Variants in TENM3 observed in about 807,000 individuals in gnomAD.
The protein encoded by TENM3 is teneurin transmembrane protein 3.
TENM3 carries 63 observed loss-of-function variants against 255.1 expected under a neutral mutation model. That is an observed-to-expected ratio of 0.25 (90% CI 0.20 to 0.30). The LOEUF is 0.30. Ranked by LOEUF, TENM3 falls within the 10% of genes least tolerant of loss-of-function variation. The pLI, the probability that TENM3 is intolerant of heterozygous loss-of-function variation, is 1.00. For synonymous variants in TENM3, 1,306 were observed against 1,322.3 expected (o/e 0.99, Z 0.27); for missense variants, 2,929 against 3,461.1 (o/e 0.85, Z 3.86).
At chr4:181,815,989 G>T in the TENM3 span, among the ~76,000 whole-genome samples, 2 of 152,138 alleles carry the variant, frequency 1.3e-5, no homozygotes, top group Non-Finnish European at 2.9e-5. Context: ...AAAACTTACG[G>T]GTAAATCAAA....
the TENM3 span, among the ~76,000 whole-genome samples, chr4:181,736,639 C>T: frequency 4.0e-5 from 6 of 151,698 alleles, no homozygotes; most frequent in Non-Finnish European, 8.8e-5. Context: ...TTTATGTGAG[C>T]GTATACACCC....
chr4:181,675,676 C>T, the TENM3 span, among the ~76,000 whole-genome samples: 5 of 152,152 alleles, frequency 3.3e-5, no homozygotes, highest in South Asian at 2.1e-4. Context: ...GTGTGGCCAT[C>T]GGGTAGAAAG....
the TENM3 span, among the ~76,000 whole-genome samples, chr4:181,582,538 T>C: frequency 6.6e-6 from 1 of 151,706 alleles, no homozygotes; most frequent in Non-Finnish European, 1.5e-5. Flanking sequence ...TCCCAGCTAC[T>C]CGGGAGGCTG....
At chr4:182,672,255 G>A (rs1165092965) in intron 6 of TENM3, among the ~76,000 whole-genome samples, 2 of 152,140 alleles carry the variant, frequency 1.3e-5, no homozygotes, top group Non-Finnish European at 2.9e-5. Flanking sequence ...TTAACAGGTG[G>A]CAGAGATCCA....
intron 24 of TENM3, among the ~76,000 whole-genome samples, chr4:182,784,486 A>G (rs963496515): frequency 6.6e-6 from 1 of 151,412 alleles, no homozygotes; most frequent in African/African-American, 2.4e-5. Context: ...TTAAGTCTGC[A>G]GAGGTTACTG....
At chr4:182,512,975 A>G (rs1447477818) in intron 3 of TENM3, among the ~76,000 whole-genome samples, 2 of 152,358 alleles carry the variant, frequency 1.3e-5, no homozygotes, top group East Asian at 3.9e-4. Flanking sequence ...GGAATAGGAC[A>G]TGATATCCTT....
At chr4:182,305,425 G>A (rs1237926286) in intron 1 of TENM3, among the ~76,000 whole-genome samples, 1 of 152,170 alleles carries the variant, frequency 6.6e-6, no homozygotes, top group Non-Finnish European at 1.5e-5. Context: ...TTTCGAAGTA[G>A]GCCGTGAATA....
At chr4:181,449,644 G>A in the TENM3 span, among the ~76,000 whole-genome samples, 1 of 151,990 alleles carries the variant, frequency 6.6e-6, no homozygotes, top group African/African-American at 2.4e-5. Context: ...AAATTTACCC[G>A]GGCATGGTGG....
the TENM3 span, among the ~76,000 whole-genome samples, chr4:181,912,760 A>G: frequency 1.3e-5 from 2 of 150,668 alleles, no homozygotes; most frequent in East Asian, 3.9e-4. Flanking sequence ...CCACAAAGCA[A>G]GACTATCTCA....
chr4:182,355,822 A>G (rs2150735797), intron 3 of TENM3, among the ~76,000 whole-genome samples: 1 of 152,032 alleles, frequency 6.6e-6, no homozygotes, highest in South Asian at 2.1e-4. Context: ...TGTCTATGGT[A>G]AAGTTAGTAA....
intron 3 of TENM3, among the ~76,000 whole-genome samples, chr4:182,359,179 TC>T (rs1765778001): frequency 6.6e-6 from 1 of 152,204 alleles, no homozygotes; most frequent in Non-Finnish European, 1.5e-5. Context: ...TCTAAACTTC[TC>T]TTTTTTGGTT....
the TENM3 span, among the ~76,000 whole-genome samples, chr4:181,850,814 T>C: frequency 6.6e-6 from 1 of 152,196 alleles, no homozygotes. Context: ...TGAGTGTTTT[T>C]GAGACACAGC....
At chr4:181,918,982 G>C in the TENM3 span, among the ~76,000 whole-genome samples, 2 of 152,154 alleles carry the variant, frequency 1.3e-5, no homozygotes, top group Non-Finnish European at 2.9e-5. Context: ...TGAATTTTCA[G>C]ATGAGATACT....
intron 3 of TENM3, among the ~76,000 whole-genome samples, chr4:182,539,566 A>C (rs6812487): frequency 6.6e-6 from 1 of 152,130 alleles, no homozygotes; most frequent in Non-Finnish European, 1.5e-5. Context: ...ATTCAGATGT[A>C]GAAGGAAGAT....
intron 3 of TENM3, among the ~76,000 whole-genome samples, chr4:182,577,103 CTGTT>C (rs1745003525): frequency 6.6e-6 from 1 of 152,202 alleles, no homozygotes; most frequent in Non-Finnish European, 1.5e-5. Context: ...GAAGGCTTCT[CTGTT>C]TGGAATATGC....
At chr4:182,077,584 G>A in the TENM3 span, among the ~76,000 whole-genome samples, 3 of 152,130 alleles carry the variant, frequency 2.0e-5, no homozygotes, top group South Asian at 2.1e-4. Flanking sequence ...AGGAAGGGCA[G>A]GAAGGACTTC....
chr4:182,732,011 G>A (rs368026391), intron 16 of TENM3, among the ~76,000 whole-genome samples: 1 of 151,952 alleles, frequency 6.6e-6, no homozygotes, highest in Admixed American at 6.6e-5. Context: ...TCCATCTCCT[G>A]ACCTCGTGAT....
At chr4:182,246,121 T>A (rs1757626601) in intron 1 of TENM3, among the ~76,000 whole-genome samples, 2 of 152,278 alleles carry the variant, frequency 1.3e-5, no homozygotes, top group East Asian at 1.9e-4. Context: ...TCTGGCTATG[T>A]GTTTTCCTAA....
the TENM3 span, among the ~76,000 whole-genome samples, chr4:181,706,119 C>T: frequency 6.6e-6 from 1 of 151,992 alleles, no homozygotes; most frequent in Non-Finnish European, 1.5e-5. Context: ...GAGGGAGGAG[C>T]TGTTCCAGGC....
Sources: allele counts gnomAD v4.1 joint callset (sites outside exome capture counted in the v4.1 genomes callset), GRCh38; gene constraint gnomAD v4.1.1; transcripts MANE v1.5; gene names NCBI Gene and HGNC (gene_info 2026-07-23, HGNC 2026-07-21).